Variants in GALNTL6 observed in about 807,000 individuals in gnomAD.
The protein encoded by GALNTL6 is polypeptide N-acetylgalactosaminyltransferase like 6.
In GALNTL6, 46 loss-of-function variants were observed where a neutral mutation model predicts 73.7. The ratio of observed to expected loss-of-function variants is 0.62; its 90% CI spans 0.49 to 0.80. The LOEUF (loss-of-function observed/expected upper bound fraction) is 0.80, where lower values mean the gene tolerates loss of function less well. GALNTL6 is among the 30% of genes least tolerant of loss of function. The pLI, the probability that GALNTL6 is intolerant of heterozygous loss-of-function variation, is 0.00. For synonymous variants in GALNTL6, 259 were observed against 263.7 expected (o/e 0.98, Z 0.17); for missense variants, 604 against 755.0 (o/e 0.80, Z 2.34).
chr4:171,994,178 G>A (rs1204568664), intron 2 of GALNTL6, among the ~76,000 whole-genome samples: 1 of 152,074 alleles, frequency 6.6e-6, no homozygotes, highest in African/African-American at 2.4e-5. Flanking sequence ...TCTAGGATAT[G>A]GAATGATAAC....
rs1054313042 is a variant in GALNTL6 at position 173,023,787 on chromosome 4, C to T, written c.1638+2162C>T. 4.6e-5 allele frequency among the ~76,000 whole-genome samples: 7 copies of T among 152,192 alleles called. No homozygotes were observed. The East Asian group carries it at 5.8e-4, about 13-fold the overall frequency. On this transcript the variant is annotated intron_variant, in intron 12 of 12. Transcript: ENST00000506823. ...GAATATCACTGCAATAGTAAAACCT[C>T]GCCGTTTTCTTTATGAAATGTATAA...
intron 3 of GALNTL6, among the ~76,000 whole-genome samples, chr4:172,263,014 T>C (rs941953123): frequency 1.3e-5 from 2 of 151,542 alleles, no homozygotes; most frequent in East Asian, 1.9e-4. Flanking sequence ...TTTTCTTGTA[T>C]AAGTTACCTG....
chr4:172,799,155 C>G (rs1447274174), intron 5 of GALNTL6, among the ~76,000 whole-genome samples: 1 of 152,142 alleles, frequency 6.6e-6, no homozygotes. Flanking sequence ...TCAATAGTCA[C>G]TAGATGCAAA....
chr4:172,300,777 C>T (rs1481300840), intron 3 of GALNTL6, among the ~76,000 whole-genome samples: 1 of 152,128 alleles, frequency 6.6e-6, no homozygotes. Context: ...GTAACCCGAC[C>T]TTTCTCTGTG....
intron 9 of GALNTL6, among the ~76,000 whole-genome samples, chr4:172,933,814 GC>G (rs1335453135): frequency 2.0e-5 from 3 of 152,126 alleles, no homozygotes; most frequent in African/African-American, 7.2e-5. Flanking sequence ...TAATCTTGCA[GC>G]CTCATCAGGA....
intron 8 of GALNTL6, 150 bp from the exon 9 acceptor site, chr4:172,931,011 G>A (rs969466123): frequency 3.2e-6 from 2 of 616,918 alleles, no homozygotes; most frequent in Non-Finnish European, 5.8e-6. Flanking sequence ...AAAAAAAAGT[G>A]GTTTTCTTTT....
chr4:172,702,819 T>G (rs1396101953), intron 5 of GALNTL6, among the ~76,000 whole-genome samples: 1 of 131,326 alleles, frequency 7.6e-6, no homozygotes, highest in Admixed American at 7.2e-5. Context: ...TTTAAGACAC[T>G]TTATAGTTTT....
chr4:172,632,927 C>G (rs981377173), intron 5 of GALNTL6, among the ~76,000 whole-genome samples: 1 of 152,238 alleles, frequency 6.6e-6, no homozygotes, highest in African/African-American at 2.4e-5. Context: ...AGAATGCAAG[C>G]CCCAAGCCTT....
At chr4:172,552,844 A>AAAAAAAAACAAAC in intron 5 of GALNTL6, among the ~76,000 whole-genome samples, 1 of 149,844 alleles carries the variant, frequency 6.7e-6, no homozygotes, top group South Asian at 2.1e-4. Context: ...CAGTAAAAAA[A>AAAAAAAAACAAAC]AAAAAAAAAA....
At chr4:172,677,045 T>TA (rs530922863) in intron 5 of GALNTL6, among the ~76,000 whole-genome samples, 69 of 152,342 alleles carry the variant, frequency 4.5e-4, no homozygotes, top group Non-Finnish European at 8.2e-4. Context: ...AGGATCAACT[T>TA]ACTACTGTCC....
intron 2 of GALNTL6, among the ~76,000 whole-genome samples, chr4:171,980,031 G>A (rs10033775): frequency 0.9 from 136,608 of 152,130 alleles, 62,815 homozygotes; most frequent in Non-Finnish European, 1. Context: ...ATAATTAGTT[G>A]CTTTAATAAA....
At chr4:172,452,676 C>T (rs1171942166) in intron 5 of GALNTL6, among the ~76,000 whole-genome samples, 2 of 152,102 alleles carry the variant, frequency 1.3e-5, no homozygotes, top group African/African-American at 2.4e-5. Context: ...AATATAATAA[C>T]AAGCTTTGTT....
chr4:172,317,375 G>C (rs1740597236), intron 4 of GALNTL6, among the ~76,000 whole-genome samples: 1 of 152,162 alleles, frequency 6.6e-6, no homozygotes, highest in Non-Finnish European at 1.5e-5. Context: ...TCCTCACCAT[G>C]TATGAAGATT....
Position 172,528,349 on chromosome 4 carries a change from T to C in GALNTL6, c.553+179660T>C, listed in dbSNP as rs937552982. 3.2e-4 allele frequency among the ~76,000 whole-genome samples: 42 copies of C among 133,058 alleles called. 2 individuals are homozygous for C. In the South Asian group the frequency reaches 8.4e-3, roughly 26 times the overall value. The allele number at this position is 133,058 out of a possible 152,430, so 87.3% of individuals were successfully genotyped here. Reference sequence around the variant, plus strand: ...ATATATATATATATATATATATATATATATATATATATATATGGTTATTTT... The same window carrying C: ...ATATATATATATATATATATATATACATATATATATATATATGGTTATTTT... On this transcript the variant is annotated intron_variant, in intron 5 of 12. Coordinates refer to ENST00000506823, the MANE Select transcript of GALNTL6 (RefSeq NM_001034845.3).
intron 2 of GALNTL6, among the ~76,000 whole-genome samples, chr4:172,056,436 G>T (rs547131760): frequency 6.6e-6 from 1 of 152,088 alleles, no homozygotes; most frequent in South Asian, 2.1e-4. Context: ...TCTCTCCTGA[G>T]AATATTTCTA....
intron 10 of GALNTL6, among the ~76,000 whole-genome samples, chr4:172,972,403 C>T (rs1750622751): frequency 6.6e-6 from 1 of 152,170 alleles, no homozygotes; most frequent in South Asian, 2.1e-4. Flanking sequence ...TTTTTGAACA[C>T]ATATCAAAAG....
At chr4:172,668,145 A>T (rs757412200) in intron 5 of GALNTL6, 7 of 152,196 alleles carry the variant, frequency 4.6e-5, no homozygotes, top group African/African-American at 9.6e-5. Context: ...TTAGAAAAAA[A>T]TGTGTTGCTC....
At chr4:172,538,256 C>T (rs376765909) in intron 5 of GALNTL6, among the ~76,000 whole-genome samples, 2 of 151,906 alleles carry the variant, frequency 1.3e-5, no homozygotes, top group African/African-American at 4.8e-5. Context: ...GTCAGGAGAT[C>T]GAGACCATCC....
At chr4:172,433,928 C>T (rs1272904127) in intron 5 of GALNTL6, among the ~76,000 whole-genome samples, 1 of 152,132 alleles carries the variant, frequency 6.6e-6, no homozygotes, top group Non-Finnish European at 1.5e-5. Context: ...ACCACTCCCT[C>T]CCAGCCTCAC....
Sources: gnomAD v4.1 joint callset for allele counts (sites outside exome capture counted in the v4.1 genomes callset) on GRCh38, gnomAD v4.1.1 for gene constraint, MANE v1.5 for transcripts, NCBI Gene and HGNC (gene_info 2026-07-23, HGNC 2026-07-21) for gene names.